The following KDM5A variants were observed in gnomAD, a reference collection of about 807,000 sequenced individuals.
KDM5A encodes lysine-specific demethylase 5A.
KDM5A carries 42 observed loss-of-function variants against 193.5 expected under a neutral mutation model. The ratio of observed to expected loss-of-function variants is 0.22; its 90% CI spans 0.17 to 0.28. KDM5A has a LOEUF of 0.28. Among genes scored for constraint, KDM5A ranks in the 10% least tolerant of loss-of-function variants. The pLI is 1.00. For synonymous variants in KDM5A, 796 were observed against 718.1 expected, an observed-to-expected ratio of 1.11 and a Z score of -1.73; for missense variants, 1,692 against 2,055.1, an observed-to-expected ratio of 0.82 and a Z score of 3.42.
In KDM5A at chr12:334,221, G is replaced by GT. The variant is rs1398758213; in HGVS notation, c.1490+19dup. 3.1e-6 allele frequency: 5 copies of GT among 1,605,968 alleles called. No individual in the cohort carries two copies. Among genetic ancestry groups the GT allele is most frequent in the Non-Finnish European group, 4.3e-6 (5 of 1,172,730 alleles). ...GACTTTAGTAGAGTTCATGCATGCT[G>GT]TATTTTAGACTGTACATACCAGTGC... is the stretch of plus-strand genomic sequence containing the variant. On this transcript the variant is annotated intron_variant, in intron 11 of 27. Coordinates refer to ENST00000399788, the MANE Select transcript of KDM5A (RefSeq NM_001042603.3).
intron 3 of KDM5A, among the ~76,000 whole-genome samples, chr12:383,754 C>CT (rs999858391): frequency 3.0e-4 from 43 of 145,554 alleles, no homozygotes; most frequent in East Asian, 1.4e-3. Context: ...TTTCATTGTC[C>CT]TTTTTTTTTT....
chr12:323,487 G>A, intron 15 of KDM5A, 113 bp downstream of exon 15: 1 of 1,129,060 alleles, frequency 8.9e-7, no homozygotes, highest in Non-Finnish European at 1.3e-6. Context: ...GAAGTAGACA[G>A]TGAAGTTTAG....
chr12:341,337 A>G (rs977003491), intron 10 of KDM5A, among the ~76,000 whole-genome samples: 6 of 152,208 alleles, frequency 3.9e-5, no homozygotes, highest in Non-Finnish European at 8.8e-5. Context: ...AACTGTTCCT[A>G]TAAAAACCAT....
chr12:308,819 C>A (rs1398439341), intron 22 of KDM5A, among the ~76,000 whole-genome samples: 1 of 152,170 alleles, frequency 6.6e-6, no homozygotes, highest in East Asian at 1.9e-4. Context: ...ATGCAATTCC[C>A]TACTTTTATT....
intron 3 of KDM5A, among the ~76,000 whole-genome samples, chr12:373,572 TATCTCC>T (rs1459838684): frequency 6.6e-6 from 1 of 152,226 alleles, no homozygotes; most frequent in African/African-American, 2.4e-5. Context: ...TTTGTGTCTC[TATCTCC>T]TTCAGTTCTG....
chr12:329,599 A>G (rs1943836717), intron 13 of KDM5A, among the ~76,000 whole-genome samples: 1 of 152,126 alleles, frequency 6.6e-6, no homozygotes, highest in Admixed American at 6.5e-5. Flanking sequence ...TTTAGATTTT[A>G]GCATCTAGAA....
chr12:290,227 T>C (rs1943276263), intron 27 of KDM5A, among the ~76,000 whole-genome samples: 1 of 152,208 alleles, frequency 6.6e-6, no homozygotes, highest in Non-Finnish European at 1.5e-5. Context: ...TACAGAAATT[T>C]TTATAGAACT....
At position 389,042 on chromosome 12, in the gene KDM5A, G is replaced by A; in HGVS notation, c.50C>T (p.Pro17Leu). ...GGYAAEFVPP[P>L]ECPVFEPSWE... ...ACTCGGCTCAAAGACGGGGCACTCT[G>A]GCGGTGGCACGAACTCCGCCGCGTA... Residue 17 changes from proline to leucine, a missense_variant, in exon 1 of 28, where the codon CCA (proline) becomes CTA (leucine). This residue lies in a region of KDM5A where 84 missense variants were observed against 68.2 expected (regional missense o/e 1.23). Transcript: ENST00000399788. The A allele has an allele frequency of 6.2e-7, 1 of 1,613,730 alleles. No individual in the cohort carries two copies.
rs191963719 is a variant in KDM5A, at chr12:366,707, T to A, written c.367-603A>T. ...CAGAATATATTAAGGTAGAAAACGATGAGATAAATTGGCTAACTTGGCTGA... is the reference window on the plus strand; with the variant it reads ...CAGAATATATTAAGGTAGAAAACGAAGAGATAAATTGGCTAACTTGGCTGA... On this transcript the variant is annotated intron_variant, in intron 3 of 27. Coordinates refer to ENST00000399788, the MANE Select transcript of KDM5A (RefSeq NM_001042603.3). Among the ~76,000 whole-genome samples the A allele has an allele frequency of 2.6e-5, 4 of 151,148 alleles. No individual in the cohort carries two copies. In the East Asian group the frequency reaches 7.7e-4, roughly 29 times the overall value.
intron 27 of KDM5A, among the ~76,000 whole-genome samples, chr12:292,081 T>G (rs1393128815): frequency 1.3e-5 from 2 of 152,078 alleles, no homozygotes; most frequent in Non-Finnish European, 2.9e-5. Flanking sequence ...TTTTTGTATT[T>G]TTAGTAGAGA....
rs781092393 is a variant in KDM5A at position 389,108 on chromosome 12, G to C, written c.-17C>G. On this transcript the variant is annotated 5_prime_UTR_variant, in exon 1 of 28. Coordinates refer to ENST00000399788, the MANE Select transcript of KDM5A (RefSeq NM_001042603.3). ...GCCCGCCATTGCAACGGCCGGGGGG[G>C]GGGGGGGGTCCCCGTGGGGAACCGG... The C allele has an allele frequency of 2.7e-5, 43 of 1,598,054 alleles. No homozygotes were observed. The highest frequency in any genetic ancestry group is 1.7e-4 in the Middle Eastern group (1 of 5,780).
intron 3 of KDM5A, among the ~76,000 whole-genome samples, chr12:380,680 G>C (rs1025924857): frequency 1.3e-5 from 2 of 151,830 alleles, no homozygotes; most frequent in African/African-American, 4.8e-5. Flanking sequence ...CCAAGATTGT[G>C]CCACTGCACT....
chr12:348,728 A>T (rs1192501841), intron 10 of KDM5A, among the ~76,000 whole-genome samples: 1 of 149,974 alleles, frequency 6.7e-6, no homozygotes, highest in Non-Finnish European at 1.5e-5. Flanking sequence ...ACTTGAACAC[A>T]GGGCGGGGAA....
intron 10 of KDM5A, among the ~76,000 whole-genome samples, chr12:350,106 C>T (rs1277740774): frequency 1.4e-5 from 2 of 147,112 alleles, no homozygotes; most frequent in Admixed American, 6.9e-5. Context: ...CTAGCAGGGG[C>T]GACAGGAACA....
At chr12:292,555 T>C (rs1038657504) in intron 27 of KDM5A, among the ~76,000 whole-genome samples, 4 of 152,262 alleles carry the variant, frequency 2.6e-5, no homozygotes, top group Non-Finnish European at 5.9e-5. Context: ...TCATTAAGTA[T>C]ATGATTTTTG....
intron 10 of KDM5A, among the ~76,000 whole-genome samples, chr12:342,962 C>T (rs963646862): frequency 2.2e-4 from 34 of 152,164 alleles, no homozygotes; most frequent in African/African-American, 6.8e-4. Flanking sequence ...CTAGCTGAAG[C>T]AGGGCGTGCA....
At chr12:298,251 G>A (rs1943398743) in intron 24 of KDM5A, among the ~76,000 whole-genome samples, 1 of 152,202 alleles carries the variant, frequency 6.6e-6, no homozygotes, top group Non-Finnish European at 1.5e-5. Context: ...TCCTGACGGG[G>A]AGACACCTCC....
intron 24 of KDM5A, among the ~76,000 whole-genome samples, chr12:304,910 C>T (rs1227537830): frequency 6.6e-6 from 1 of 152,144 alleles, no homozygotes; most frequent in African/African-American, 2.4e-5. Context: ...CGGGTGATTC[C>T]AGTATTCAAG....
At chr12:347,409 CTACTT>C (rs1944092523) in intron 10 of KDM5A, among the ~76,000 whole-genome samples, 1 of 152,144 alleles carries the variant, frequency 6.6e-6, no homozygotes, top group Non-Finnish European at 1.5e-5. Context: ...TTGGAAAAAA[CTACTT>C]TAAAGTTCAT....
Sources: gnomAD v4.1 joint callset for allele counts (sites outside exome capture counted in the v4.1 genomes callset) on GRCh38, gnomAD v4.1.1 for gene constraint, gnomAD v4.1.1 regional missense constraint, MANE v1.5 for transcripts, NCBI Gene and HGNC (gene_info 2026-07-23, HGNC 2026-07-21) for gene names.